Variants in NXPH1 observed in about 807,000 individuals in gnomAD.
NXPH1 encodes the protein neurexophilin 1.
In NXPH1, 5 loss-of-function variants were observed where a neutral mutation model predicts 23.7. The ratio of observed to expected loss-of-function variants is 0.21; its 90% CI spans 0.11 to 0.44. The LOEUF (loss-of-function observed/expected upper bound fraction) is 0.44. NXPH1 is among the 20% of genes least tolerant of loss of function. The pLI is 0.99. For missense variants in NXPH1, 324 were observed against 321.6 expected, an observed-to-expected ratio of 1.01 and a Z score of -0.06; for synonymous variants, 144 against 122.2, an observed-to-expected ratio of 1.18 and a Z score of -1.18.
intron 2 of NXPH1, among the ~76,000 whole-genome samples, chr7:8,635,870 T>A (rs1487259981): frequency 6.6e-6 from 1 of 152,152 alleles, no homozygotes; most frequent in Non-Finnish European, 1.5e-5. Flanking sequence ...TTCAGCTAAC[T>A]GGTAGGGTTT....
At chr7:8,576,759 G>T (rs1049034854) in intron 2 of NXPH1, among the ~76,000 whole-genome samples, 1 of 152,088 alleles carries the variant, frequency 6.6e-6, no homozygotes, top group African/African-American at 2.4e-5. Context: ...CCATGTTTTT[G>T]ACTTGTTCCT....
At chr7:8,558,680 T>C (rs1363497347) in intron 2 of NXPH1, among the ~76,000 whole-genome samples, 1 of 151,678 alleles carries the variant, frequency 6.6e-6, no homozygotes, top group Admixed American at 6.6e-5. Context: ...TCCTTTTATA[T>C]GATTGTTACT....
intron 2 of NXPH1, among the ~76,000 whole-genome samples, chr7:8,561,629 T>C (rs1334055882): frequency 2.0e-5 from 3 of 151,650 alleles, no homozygotes; most frequent in African/African-American, 7.3e-5. Flanking sequence ...CTGAATCTTT[T>C]GAGGCTGACT....
rs1020790627 is a variant in NXPH1, at chr7:8,655,434, C to G, written c.55-95574C>G. On this transcript the variant is annotated intron_variant, in intron 2 of 2. Transcript: ENST00000405863. Reference sequence around the variant, plus strand: ...TCTCTCTCTCTCTCTCTCTCTCTCTCTCTCTCTCTCTCTCTATACACACAC... The same window carrying G: ...TCTCTCTCTCTCTCTCTCTCTCTCTGTCTCTCTCTCTCTCTATACACACAC... Among the ~76,000 whole-genome samples the G allele has an allele frequency of 9.7e-3, 517 of 53,300 alleles. 8 individuals carry two copies. The highest frequency in any genetic ancestry group is 0.014 in the Middle Eastern group (1 of 70). 35.0% of individuals were successfully genotyped at this position (53,300 alleles called of 152,430 possible).
intron 2 of NXPH1, among the ~76,000 whole-genome samples, chr7:8,489,147 G>A (rs917790210): frequency 7.2e-5 from 11 of 152,024 alleles, no homozygotes; most frequent in Non-Finnish European, 1.5e-4. Flanking sequence ...GGGCTGTGAC[G>A]GGAGGGTAAA....
At chr7:8,626,384 C>CT (rs542544198) in intron 2 of NXPH1, among the ~76,000 whole-genome samples, 2,172 of 136,214 alleles carry the variant, frequency 0.016, 37 homozygotes, top group African/African-American at 0.041. Context: ...ATGCAGTTTA[C>CT]TTTTTTTTTT....
chr7:8,709,679 CAATTA>C (rs999639717), intron 2 of NXPH1, among the ~76,000 whole-genome samples: 17 of 152,168 alleles, frequency 1.1e-4, no homozygotes, highest in Admixed American at 3.9e-4. Context: ...ACATTCACTT[CAATTA>C]AAACATTCCA....
chr7:8,610,950 T>C (rs1819604086), intron 2 of NXPH1, among the ~76,000 whole-genome samples: 1 of 152,116 alleles, frequency 6.6e-6, no homozygotes, highest in African/African-American at 2.4e-5. Context: ...GAATAGCCAT[T>C]AAGGGCCTAG....
chr7:8,688,492 C>A (rs1821180851), intron 2 of NXPH1, among the ~76,000 whole-genome samples: 1 of 152,228 alleles, frequency 6.6e-6, no homozygotes, highest in East Asian at 1.9e-4. Flanking sequence ...TAGGCCAAAC[C>A]AATCTTTAGA....
At chr7:8,577,391 G>C (rs1008376876) in intron 2 of NXPH1, among the ~76,000 whole-genome samples, 1 of 152,156 alleles carries the variant, frequency 6.6e-6, no homozygotes, top group Non-Finnish European at 1.5e-5. Context: ...AACCAGGAGA[G>C]TAACAATCTT....
intron 2 of NXPH1, among the ~76,000 whole-genome samples, chr7:8,579,149 C>G (rs965774064): frequency 2.0e-5 from 3 of 152,144 alleles, no homozygotes; most frequent in African/African-American, 7.2e-5. Context: ...CTCAGATTTT[C>G]TTTCCAATCC....
intron 2 of NXPH1, among the ~76,000 whole-genome samples, chr7:8,531,638 A>G (rs1007312804): frequency 6.6e-6 from 1 of 152,174 alleles, no homozygotes; most frequent in Non-Finnish European, 1.5e-5. Context: ...GACATCTATA[A>G]AGGTAGGTTC....
intron 2 of NXPH1, among the ~76,000 whole-genome samples, chr7:8,732,046 C>A (rs896238688): frequency 6.6e-6 from 1 of 152,216 alleles, no homozygotes; most frequent in Non-Finnish European, 1.5e-5. Context: ...TCTCCTGGTG[C>A]GCCATTTTTT....
intron 2 of NXPH1, among the ~76,000 whole-genome samples, chr7:8,661,720 A>T (rs955308697): frequency 6.6e-6 from 1 of 152,166 alleles, no homozygotes; most frequent in Non-Finnish European, 1.5e-5. Flanking sequence ...AATCTGTAGA[A>T]ATAACCAAGG....
In NXPH1 at chr7:8,447,359, G is replaced by A. The variant is rs114484367; in HGVS notation, c.54+11592G>A. ...TGCAAGCCACTGCATGTGAAAGGAA[G>A]TTATTCATGCATGGTCAGTGTAGTA... On this transcript the variant is annotated intron_variant, in intron 2 of 2. Transcript: ENST00000405863. Among the ~76,000 whole-genome samples, 1,128 of 152,338 alleles carry A rather than the reference G, an allele frequency of 7.4e-3. 13 individuals carry two copies. Among genetic ancestry groups the A allele is most frequent in the African/African-American group, 0.026 (1,086 of 41,568 alleles).
intron 2 of NXPH1, among the ~76,000 whole-genome samples, chr7:8,481,702 G>A (rs143888976): frequency 3.9e-5 from 6 of 152,084 alleles, no homozygotes; most frequent in African/African-American, 1.4e-4. Flanking sequence ...TTTAGATTCA[G>A]TGGGTGCATA....
At chr7:8,718,871 G>T (rs1426070970) in intron 2 of NXPH1, among the ~76,000 whole-genome samples, 1 of 152,094 alleles carries the variant, frequency 6.6e-6, no homozygotes, top group Non-Finnish European at 1.5e-5. Context: ...CAAATATTAG[G>T]TGCCGGCCAT....
At chr7:8,594,984 T>TG (rs1819187463) in intron 2 of NXPH1, among the ~76,000 whole-genome samples, 1 of 152,018 alleles carries the variant, frequency 6.6e-6, no homozygotes, top group East Asian at 1.9e-4. Context: ...TCAAAAGCTC[T>TG]TGAACCTGAC....
intron 2 of NXPH1, among the ~76,000 whole-genome samples, chr7:8,674,202 CA>C (rs773425360): frequency 0.22 from 31,185 of 143,856 alleles, 3,782 homozygotes; most frequent in Admixed American, 0.34. Context: ...CACACACACA[CA>C]CCTATGCAAT....
Sources: allele counts gnomAD v4.1 joint callset (sites outside exome capture counted in the v4.1 genomes callset), GRCh38; gene constraint gnomAD v4.1.1; transcripts MANE v1.5; gene names NCBI Gene and HGNC (gene_info 2026-07-23, HGNC 2026-07-21).